The following BCAS3 variants were observed in gnomAD, a reference collection of about 807,000 sequenced individuals.
The protein encoded by BCAS3 is BCAS3 microtubule associated cell migration factor, also known as BCAS4/BCAS3 fusion.
Under a neutral mutation model 116.1 loss-of-function variants are expected in BCAS3, and 53 were observed. The ratio of observed to expected loss-of-function variants is 0.46; its 90% CI spans 0.37 to 0.57. BCAS3 has a LOEUF of 0.57. Among genes scored for constraint, BCAS3 ranks in the 20% least tolerant of loss-of-function variants. BCAS3 has a pLI of 0.00. For synonymous variants in BCAS3, 391 were observed against 408.2 expected (o/e 0.96, Z 0.51); for missense variants, 917 against 1,165.4 (o/e 0.79, Z 3.10).
intron 14 of BCAS3, among the ~76,000 whole-genome samples, chr17:60,978,297 C>T (rs2062557704): frequency 6.9e-6 from 1 of 144,526 alleles, no homozygotes; most frequent in Non-Finnish European, 1.5e-5. Context: ...GCATAAATGT[C>T]TTCTTTTGAG....
chr17:61,243,631 G>T lies in BCAS3; in HGVS notation c.2426-124696G>T, dbSNP rs2047699976. On this transcript the variant is annotated intron_variant, in intron 22 of 23. Transcript: ENST00000407086. This position sits in a 1 kb window ranked among gnomAD's most constrained non-coding sequence, Gnocchi z 5.6. Reference sequence around the variant, plus strand: ...ATTGAGTACAGTTTGATTGAATCAAGGGTAATCACCATTATCCTGATTTTC... The same window carrying T: ...ATTGAGTACAGTTTGATTGAATCAATGGTAATCACCATTATCCTGATTTTC... Among the ~76,000 whole-genome samples the T allele has an allele frequency of 6.6e-6, 1 of 152,194 alleles. No homozygotes were observed. The highest frequency in any genetic ancestry group is 2.4e-5 in the African/African-American group (1 of 41,450).
At chr17:60,971,597 C>A (rs1179171294) in intron 14 of BCAS3, among the ~76,000 whole-genome samples, 2 of 152,172 alleles carry the variant, frequency 1.3e-5, no homozygotes, top group Non-Finnish European at 2.9e-5. Context: ...CAGGTTTCAT[C>A]TTAGCTGAGC....
At position 61,377,816 on chromosome 17, in the gene BCAS3, C is replaced by T. The variant is rs1471863914; in HGVS notation, c.2593+9322C>T. On this transcript the variant is annotated intron_variant, in intron 23 of 23. Transcript: ENST00000407086. The surrounding 1 kb of genome is among the most constrained non-coding windows in gnomAD (Gnocchi z 4.6). ...AGAGCACTGCCAGGTAGACCTTCCC[C>T]TCTCCAGTTTACAAAGGAGGAAACG... 8 of 152,242 alleles carry T rather than the reference C, an allele frequency of 5.3e-5. No homozygotes were observed. Among genetic ancestry groups the T allele is most frequent in the African/African-American group, 1.9e-4 (8 of 41,446 alleles). 9.4% of individuals were successfully genotyped at this position (152,242 alleles called of 1,614,324 possible).
At position 61,097,163 on chromosome 17, in the gene BCAS3, G is replaced by A. The variant is rs1053984720; in HGVS notation, c.2425+12599G>A. Among the ~76,000 whole-genome samples the A allele has an allele frequency of 6.6e-6, 1 of 152,002 alleles. No individual in the cohort carries two copies. The highest frequency in any genetic ancestry group is 1.5e-5 in the Non-Finnish European group (1 of 67,946). ...GAAGGAATTTTAAGAAGCCTACTCTGTTTCTTTATTTGTTTTTTTCTTTTT... is the reference window on the plus strand; with the variant it reads ...GAAGGAATTTTAAGAAGCCTACTCTATTTCTTTATTTGTTTTTTTCTTTTT... On this transcript the variant is annotated intron_variant, in intron 22 of 23. Coordinates refer to ENST00000407086, the MANE Select transcript of BCAS3 (RefSeq NM_017679.5). The surrounding 1 kb of genome is among the most constrained non-coding windows in gnomAD (Gnocchi z 4.0).
In BCAS3 at chr17:61,380,847, G is replaced by A. The variant is rs1208451648; in HGVS notation, c.2594-11130G>A. The stretch of plus-strand genomic sequence containing the variant: ...AAATTTTCGGACTCTGCTGTGCAGA[G>A]CAGGGAGGTCACTAGGCTCTAATGC... On this transcript the variant is annotated intron_variant, in intron 23 of 23. Transcript: ENST00000407086. The surrounding 1 kb of genome is among the most constrained non-coding windows in gnomAD (Gnocchi z 4.2). Among the ~76,000 whole-genome samples the A allele has an allele frequency of 6.6e-6, 1 of 152,210 alleles. No homozygotes were observed. The highest frequency in any genetic ancestry group is 1.5e-5 in the Non-Finnish European group (1 of 68,030).
chr17:60,893,375 T>A lies in BCAS3; in HGVS notation c.738+3604T>A, dbSNP rs560716995. On this transcript the variant is annotated intron_variant, in intron 10 of 23. Transcript: ENST00000407086. ...CTAGGATTTCTATAGTTTCAGGTCT[T>A]ACATTTAGGTCTTTATTCCATCTGA... 5.3e-5 allele frequency among the ~76,000 whole-genome samples: 8 copies of A among 152,230 alleles called. No individual in the cohort carries two copies. The South Asian group carries it at 1.7e-3, about 32-fold the overall frequency.
At chr17:60,741,436 G>A (rs1186833969) in intron 5 of BCAS3, among the ~76,000 whole-genome samples, 2 of 152,178 alleles carry the variant, frequency 1.3e-5, no homozygotes, top group South Asian at 2.1e-4. Flanking sequence ...ATTTCATTAT[G>A]TACAAAAAAA....
At chr17:60,955,172 T>G (rs1200953900) in intron 14 of BCAS3, among the ~76,000 whole-genome samples, 1 of 152,178 alleles carries the variant, frequency 6.6e-6, no homozygotes, top group Non-Finnish European at 1.5e-5. Context: ...GATACATTTT[T>G]TTCCTTGGAC....
In BCAS3 at chr17:61,215,833, G is replaced by C. The variant is rs2081750629; in HGVS notation, c.2425+131269G>C. ...CTTTTAAAAATTCCAGTTGAAGTTG[G>C]AGCTTAGGCATCAGTATTTTTCAGA... On this transcript the variant is annotated intron_variant, in intron 22 of 23. Coordinates refer to ENST00000407086, the MANE Select transcript of BCAS3 (RefSeq NM_017679.5). The surrounding 1 kb of genome is among the most constrained non-coding windows in gnomAD (Gnocchi z 4.8). Among the ~76,000 whole-genome samples the C allele has an allele frequency of 6.6e-6, 1 of 152,156 alleles. No individual in the cohort carries two copies. The highest frequency in any genetic ancestry group is 6.5e-5 in the Admixed American group (1 of 15,278).
At chr17:60,980,301 C>G (rs139893091) in intron 14 of BCAS3, among the ~76,000 whole-genome samples, 1 of 152,074 alleles carries the variant, frequency 6.6e-6, no homozygotes, top group Non-Finnish European at 1.5e-5. Flanking sequence ...CAAAACTTAT[C>G]ATCTTTTTTT....
chr17:60,684,135 G>C (rs745745478), intron 3 of BCAS3, 99 bp downstream of exon 3: 22 of 1,121,362 alleles, frequency 2.0e-5, no homozygotes, highest in Non-Finnish European at 2.7e-5. Context: ...ACTTCCAAAA[G>C]GTTTTTGATG....
chr17:60,984,153 A>G (rs1198749786), intron 14 of BCAS3, among the ~76,000 whole-genome samples: 1 of 152,216 alleles, frequency 6.6e-6, no homozygotes, highest in Non-Finnish European at 1.5e-5. Context: ...AATAGTCGAG[A>G]TTGGCAGGCA....
chr17:60,715,530 T>G (rs2038491725), intron 5 of BCAS3, among the ~76,000 whole-genome samples: 1 of 152,088 alleles, frequency 6.6e-6, no homozygotes, highest in South Asian at 2.1e-4. Flanking sequence ...TCTGTGACAC[T>G]CAGGCTAGAG....
At chr17:60,694,138 G>A (rs1051514527) in intron 4 of BCAS3, among the ~76,000 whole-genome samples, 2 of 151,006 alleles carry the variant, frequency 1.3e-5, no homozygotes, top group Non-Finnish European at 2.9e-5. Context: ...TGCCCGCTTC[G>A]GCCTTCCAAA....
At chr17:60,809,744 AG>A (rs2048622704) in intron 7 of BCAS3, among the ~76,000 whole-genome samples, 2 of 152,204 alleles carry the variant, frequency 1.3e-5, no homozygotes, top group Admixed American at 1.3e-4. Context: ...GCCATGAAAA[AG>A]GGTCCAGGGG....
chr17:61,075,942 A>G (rs112354708), intron 20 of BCAS3, among the ~76,000 whole-genome samples: 1 of 151,828 alleles, frequency 6.6e-6, no homozygotes, highest in East Asian at 1.9e-4. Flanking sequence ...TTTTTAATGT[A>G]GAGACAGGAT....
At position 61,196,678 on chromosome 17, in the gene BCAS3, T is replaced by C. The variant is rs1204158449; in HGVS notation, c.2425+112114T>C. ...GGAAAAGGAAGAAAGCCTACAAGCA[T>C]GACTGCTCTGCTTTTCACCTAACTT... On this transcript the variant is annotated intron_variant, in intron 22 of 23. Coordinates refer to ENST00000407086, the MANE Select transcript of BCAS3 (RefSeq NM_017679.5). The surrounding 1 kb of genome is among the most constrained non-coding windows in gnomAD (Gnocchi z 4.7). Among the ~76,000 whole-genome samples, 3 of 152,238 alleles carry C rather than the reference T, an allele frequency of 2.0e-5. No homozygotes were observed. The highest frequency in any genetic ancestry group is 7.2e-5 in the African/African-American group (3 of 41,460).
intron 15 of BCAS3, among the ~76,000 whole-genome samples, chr17:61,001,818 T>TA (rs961836094): frequency 3.0e-4 from 45 of 151,732 alleles, no homozygotes; most frequent in South Asian, 4.2e-4. Flanking sequence ...TCACCTTTTT[T>TA]AAAAAAAAAT....
rs1168916097 is a variant in BCAS3, at chr17:61,032,106, T to C, written c.1638-2560T>C. Reference sequence around the variant, plus strand: ...CTCATTTTTCTACTTTTTATTATCATGTTAGAAAGTTTGCCATCTGGCCTG... The same window carrying C: ...CTCATTTTTCTACTTTTTATTATCACGTTAGAAAGTTTGCCATCTGGCCTG... On this transcript the variant is annotated intron_variant, in intron 16 of 23. Transcript: ENST00000407086. The surrounding 1 kb of genome is among the most constrained non-coding windows in gnomAD (Gnocchi z 4.6). Among the ~76,000 whole-genome samples the C allele has an allele frequency of 6.6e-6, 1 of 152,154 alleles. No individual in the cohort carries two copies. The highest frequency in any genetic ancestry group is 1.5e-5 in the Non-Finnish European group (1 of 67,992).
Sources: allele counts gnomAD v4.1 joint callset (sites outside exome capture counted in the v4.1 genomes callset), GRCh38; gene constraint gnomAD v4.1.1; non-coding constraint Gnocchi (gnomAD v3.1); transcripts MANE v1.5; gene names NCBI Gene and HGNC (gene_info 2026-07-23, HGNC 2026-07-21).